FYN: variants seen among roughly 807,000 people sequenced by gnomAD.
The protein encoded by FYN is FYN proto-oncogene, Src family tyrosine kinase, also known as tyrosine-protein kinase Fyn.
Under a neutral mutation model 70.2 loss-of-function variants are expected in FYN, and 10 were observed. The observed-to-expected ratio is 0.14, with a 90% CI of 0.09 to 0.24. FYN has a LOEUF of 0.24. FYN is among the 10% of genes least tolerant of loss of function. FYN has a pLI of 1.00. For missense variants in FYN, 319 were observed against 673.1 expected (o/e 0.47, Z 5.82); for synonymous variants, 236 against 248.6 (o/e 0.95, Z 0.48).
intron 2 of FYN, among the ~76,000 whole-genome samples, chr6:111,836,531 A>G (rs2148711): frequency 0.15 from 22,266 of 152,224 alleles, 2,019 homozygotes; most frequent in East Asian, 0.28. Context: ...TTCGAAGGTC[A>G]AGGTGGGAGG....
intron 12 of FYN, among the ~76,000 whole-genome samples, chr6:111,675,145 G>C (rs1798475461): frequency 6.6e-6 from 1 of 152,108 alleles, no homozygotes; most frequent in Non-Finnish European, 1.5e-5. Context: ...TCTGCCTCCA[G>C]CTCCTTCTCT....
intron 3 of FYN, among the ~76,000 whole-genome samples, chr6:111,751,323 T>C (rs190529000): frequency 1.3e-3 from 197 of 152,284 alleles, no homozygotes; most frequent in African/African-American, 4.7e-3. Context: ...CAACATCATG[T>C]TTATGTTACA....
intron 9 of FYN, chr6:111,699,538 C>T: frequency 6.2e-7 from 1 of 1,613,920 alleles, no homozygotes; most frequent in Non-Finnish European, 8.5e-7. Flanking sequence ...AGCGAAACAC[C>T]CCTGACCCAG....
chr6:111,685,966 G>A (rs1343261205), intron 12 of FYN, among the ~76,000 whole-genome samples: 2 of 152,176 alleles, frequency 1.3e-5, no homozygotes, highest in African/African-American at 2.4e-5. Flanking sequence ...AGAGCTGCCC[G>A]AGGGTGGGAA....
intron 1 of FYN, among the ~76,000 whole-genome samples, chr6:111,870,896 G>T (rs1248957321): frequency 6.6e-6 from 1 of 152,086 alleles, no homozygotes; most frequent in Non-Finnish European, 1.5e-5. Context: ...TTCCTTCCTG[G>T]GTCTGGCATC....
At chr6:111,755,741 T>C (rs952876000) in intron 3 of FYN, among the ~76,000 whole-genome samples, 1 of 152,180 alleles carries the variant, frequency 6.6e-6, no homozygotes. Flanking sequence ...CTCTCATTCA[T>C]TTGGGAATTC....
At position 111,696,299 on chromosome 6, in the gene FYN, G is replaced by A. The variant is rs143164429; in HGVS notation, c.1020C>T (p.Ile340=). 1.2e-6 allele frequency: 2 copies of A among 1,610,620 alleles called. No individual in the cohort carries two copies. The highest frequency in any genetic ancestry group is 1.7e-6 in the Non-Finnish European group (2 of 1,178,472). Residue 340 remains isoleucine, a synonymous_variant, in exon 10 of 14, where the codon ATC becomes ATT. Transcript: ENST00000354650. ...YAVVSEEPIY[I]VTEYMNKGSL... ...AACCTTTGTTCATATACTCGGTGAC[G>A]ATGTAGATGGGCTCCTCAGACACCA...
rs114857055 is a variant in FYN, at chr6:111,705,994, A to G, written c.444-1892T>C. Among the ~76,000 whole-genome samples the G allele has an allele frequency of 6.1e-3, 928 of 152,252 alleles. 12 individuals are homozygous for G. The highest frequency in any genetic ancestry group is 0.022 in the African/African-American group (897 of 41,512). On this transcript the variant is annotated intron_variant, in intron 6 of 13. Transcript: ENST00000354650. ...CAACTGTAAGAACTGGTTACTGTAC[A>G]CCTTTGAGATCTGTGCCCAGTCAAA...
At chr6:111,704,197 C>A in intron 6 of FYN, 95 bp from the exon 7 acceptor site, 1 of 930,424 alleles carries the variant, frequency 1.1e-6, no homozygotes. Context: ...TTCCCCTCTC[C>A]TCCAATTTAG....
intron 3 of FYN, among the ~76,000 whole-genome samples, chr6:111,775,422 T>C (rs1282205462): frequency 6.6e-6 from 1 of 152,198 alleles, no homozygotes; most frequent in Non-Finnish European, 1.5e-5. Flanking sequence ...GAGCAAGTGA[T>C]ACAATGACTG....
chr6:111,696,504 T>A (rs749089344), intron 9 of FYN, 48 bp from the exon 10 acceptor site: 29 of 1,448,560 alleles, frequency 2.0e-5, no homozygotes, highest in Non-Finnish European at 2.7e-5. Flanking sequence ...CTTCTTTTGA[T>A]GGAAAAAGGT....
chr6:111,756,638 C>T (rs185831224), intron 3 of FYN, among the ~76,000 whole-genome samples: 39 of 152,158 alleles, frequency 2.6e-4, no homozygotes, highest in African/African-American at 7.9e-4. Context: ...TGGATTTTTG[C>T]TAATAATGCA....
intron 2 of FYN, among the ~76,000 whole-genome samples, chr6:111,802,985 G>A (rs1772036789): frequency 6.6e-6 from 1 of 152,190 alleles, no homozygotes; most frequent in South Asian, 2.1e-4. Flanking sequence ...ACCAGAAGAT[G>A]ACCAGAATCT....
At chr6:111,666,212 G>A (rs1198359238) in intron 13 of FYN, among the ~76,000 whole-genome samples, 3 of 152,052 alleles carry the variant, frequency 2.0e-5, no homozygotes, top group Admixed American at 2.0e-4. Flanking sequence ...ACATTTTAGG[G>A]AAACAATGTC....
chr6:111,799,257 A>G (rs945106393), intron 2 of FYN, among the ~76,000 whole-genome samples: 3 of 152,244 alleles, frequency 2.0e-5, no homozygotes, highest in African/African-American at 7.2e-5. Context: ...GAAGGATGCC[A>G]ACCATATGTC....
intron 1 of FYN, among the ~76,000 whole-genome samples, chr6:111,852,643 G>A (rs1177289491): frequency 1.3e-5 from 2 of 151,966 alleles, no homozygotes; most frequent in African/African-American, 2.4e-5. Context: ...AGAAAAATAC[G>A]AGACTGTGTT....
Position 111,826,084 on chromosome 6 carries a change from A to G in FYN, c.-82+20505T>C, listed in dbSNP as rs567248644. Among the ~76,000 whole-genome samples, 43 of 152,294 alleles carry G rather than the reference A, an allele frequency of 2.8e-4. 1 individual carries two copies. Among genetic ancestry groups the G allele is most frequent in the African/African-American group, 1.0e-3 (43 of 41,562 alleles). ...CGAAGGGAAAACAACTGAGCTGCCA[A>G]TCTCATTGAAAAAGGAATACAGGGA... On this transcript the variant is annotated intron_variant, in intron 2 of 13. Coordinates refer to ENST00000354650, the MANE Select transcript of FYN (RefSeq NM_002037.5).
intron 2 of FYN, among the ~76,000 whole-genome samples, chr6:111,812,271 G>T (rs1194879021): frequency 6.6e-6 from 1 of 152,228 alleles, no homozygotes; most frequent in Non-Finnish European, 1.5e-5. Context: ...CTGGGAGGAG[G>T]CAGGGCAGAT....
chr6:111,814,583 T>A (rs983046227), intron 2 of FYN, among the ~76,000 whole-genome samples: 3 of 152,130 alleles, frequency 2.0e-5, no homozygotes, highest in Non-Finnish European at 4.4e-5. Flanking sequence ...TAGTATAGAA[T>A]AATATATACT....
Sources: gnomAD v4.1 joint callset for allele counts (sites outside exome capture counted in the v4.1 genomes callset) on GRCh38, gnomAD v4.1.1 for gene constraint, MANE v1.5 for transcripts, NCBI Gene and HGNC (gene_info 2026-07-23, HGNC 2026-07-21) for gene names.